The following CPEB4 variants were observed in gnomAD, a reference collection of about 807,000 sequenced individuals.
CPEB4 encodes the protein cytoplasmic polyadenylation element binding protein 4, also known as cytoplasmic polyadenylation element-binding protein 4.
CPEB4 carries 12 observed loss-of-function variants against 72.5 expected under a neutral mutation model. The observed-to-expected ratio is 0.17, with a 90% confidence interval of 0.11 to 0.27. CPEB4 has a LOEUF of 0.27. Ranked by LOEUF, CPEB4 falls within the 10% of genes least tolerant of loss-of-function variation. The probability of loss-of-function intolerance (pLI) is 1.00; values close to 1 mark genes in which losing one functional copy is unlikely to be tolerated. For synonymous variants in CPEB4, 302 were observed against 326.3 expected (o/e 0.93, Z 0.80); for missense variants, 614 against 908.5 (o/e 0.68, Z 4.17).
rs564675582 is a variant in CPEB4 at position 173,906,684 on chromosome 5, T to C, written c.1126-3839T>C. ...TAGTACCAATTGAACAAACTTTGTGTATTTGTATTTACTTGTCATCCCTGT... is the reference window on the plus strand; with the variant it reads ...TAGTACCAATTGAACAAACTTTGTGCATTTGTATTTACTTGTCATCCCTGT... On this transcript the variant is annotated intron_variant, in intron 1 of 9. Coordinates refer to ENST00000265085, the MANE Select transcript of CPEB4 (RefSeq NM_030627.4). 1.1e-4 allele frequency among the ~76,000 whole-genome samples: 17 copies of C among 152,374 alleles called. No homozygotes were observed. The East Asian group carries it at 3.3e-3, about 29-fold the overall frequency.
chr5:173,953,886 C>G (rs944414151), intron 9 of CPEB4, among the ~76,000 whole-genome samples: 3 of 152,172 alleles, frequency 2.0e-5, no homozygotes, highest in Non-Finnish European at 4.4e-5. Context: ...CTTGCCAGTA[C>G]TACTCAGAGT....
At position 173,889,676 on chromosome 5, in the gene CPEB4, G is replaced by A. The variant is rs1755732768; in HGVS notation, c.-58G>A. On this transcript the variant is annotated 5_prime_UTR_variant, in exon 1 of 10. Transcript: ENST00000265085. Reference sequence around the variant, plus strand: ...TAAATTTGGGGTAGAGGAAAAAAAAGGCGTGAGACATCAGGTTGTCATTTT... The same window carrying A: ...TAAATTTGGGGTAGAGGAAAAAAAAAGCGTGAGACATCAGGTTGTCATTTT... 1 of 1,436,388 alleles carries A rather than the reference G, an allele frequency of 7.0e-7. No homozygotes were observed. Among genetic ancestry groups the A allele is most frequent in the Non-Finnish European group, 9.4e-7 (1 of 1,063,244 alleles). The allele number at this position is 1,436,388 out of a possible 1,614,324, so 89.0% of individuals were successfully genotyped here.
intron 3 of CPEB4, among the ~76,000 whole-genome samples, chr5:173,935,942 A>G (rs1238626249): frequency 6.6e-6 from 1 of 152,202 alleles, no homozygotes; most frequent in Non-Finnish European, 1.5e-5. Flanking sequence ...TGACCTTCGT[A>G]TACCACTCAT....
Position 173,888,394 on chromosome 5 carries a change from C to T in CPEB4, c.-1340C>T. The T allele has an allele frequency of 2.2e-6, 1 of 454,244 alleles. No individual in the cohort carries two copies. Among genetic ancestry groups the T allele is most frequent in the Non-Finnish European group, 3.8e-6 (1 of 263,420 alleles). The allele number at this position is 454,244 out of a possible 1,614,324, so 28.1% of individuals were successfully genotyped here. A position where few individuals can be genotyped will look rare whatever the true frequency, so the allele number is the denominator to read the frequency against. On this transcript the variant is annotated 5_prime_UTR_variant, in exon 1 of 10. Coordinates refer to ENST00000265085, the MANE Select transcript of CPEB4 (RefSeq NM_030627.4). The surrounding 1 kb of genome is among the most constrained non-coding windows in gnomAD (Gnocchi z 4.3). Reference sequence around the variant, plus strand: ...GAAGGACTCAGCCGCGGCTGCGGGACCCGGGCACCGGGAGGCGGTGGCGGC... The same window carrying T: ...GAAGGACTCAGCCGCGGCTGCGGGATCCGGGCACCGGGAGGCGGTGGCGGC...
At position 173,956,793 on chromosome 5, in the gene CPEB4, C is replaced by T. The variant is rs2113312439; in HGVS notation, c.*656C>T. 1 of 151,296 alleles carries T rather than the reference C, an allele frequency of 6.6e-6. No homozygotes were observed. The highest frequency in any genetic ancestry group is 6.6e-5 in the Admixed American group (1 of 15,188). The allele number at this position is 151,296 out of a possible 1,614,324, so 9.4% of individuals were successfully genotyped here. A position where few individuals can be genotyped will look rare whatever the true frequency, so the allele number is the denominator to read the frequency against. On this transcript the variant is annotated 3_prime_UTR_variant, in exon 10 of 10. Coordinates refer to ENST00000265085, the MANE Select transcript of CPEB4 (RefSeq NM_030627.4). ...TTGAGGCTGAACATAATTTCATTAT[C>T]CCTCAAAAAGTTACCACCACATCAG...
chr5:173,932,575 G>A, intron 3 of CPEB4, 75 bp downstream of exon 3: 1 of 1,127,694 alleles, frequency 8.9e-7, no homozygotes, highest in East Asian at 2.4e-5. Context: ...GTGGAGAAAT[G>A]ACATTAGTTT....
At chr5:173,894,023 C>T (rs984605781) in intron 1 of CPEB4, among the ~76,000 whole-genome samples, 2 of 152,132 alleles carry the variant, frequency 1.3e-5, no homozygotes, top group South Asian at 2.1e-4. Flanking sequence ...GACAGGGTCT[C>T]GCTTTGTCAC....
At chr5:173,909,174 T>C (rs970068769) in intron 1 of CPEB4, among the ~76,000 whole-genome samples, 1 of 152,222 alleles carries the variant, frequency 6.6e-6, no homozygotes, top group Non-Finnish European at 1.5e-5. Flanking sequence ...TACCCCACAC[T>C]CTTCCTTCCC....
At chr5:173,897,045 A>C (rs567025798) in intron 1 of CPEB4, among the ~76,000 whole-genome samples, 21 of 152,386 alleles carry the variant, frequency 1.4e-4, no homozygotes, top group Middle Eastern at 3.4e-3. Flanking sequence ...TTATGAAATT[A>C]GTTACAAATA....
At chr5:173,915,968 G>T (rs992513397) in intron 2 of CPEB4, among the ~76,000 whole-genome samples, 1 of 152,134 alleles carries the variant, frequency 6.6e-6, no homozygotes, top group South Asian at 2.1e-4. Flanking sequence ...GGAATAAAGA[G>T]ACAAAAATAG....
chr5:173,942,663 A>G lies in CPEB4; in HGVS notation c.1259-363A>G, dbSNP rs140710705. On this transcript the variant is annotated intron_variant, in intron 3 of 9. Coordinates refer to ENST00000265085, the MANE Select transcript of CPEB4 (RefSeq NM_030627.4). ...TGGTATATCTACTAAATTGCTAGTT[A>G]GCAGGGAATTCTGAGAGAAAACGTT... Among the ~76,000 whole-genome samples, 146 of 152,378 alleles carry G rather than the reference A, an allele frequency of 9.6e-4. 1 individual carries two copies. Among genetic ancestry groups the G allele is most frequent in the African/African-American group, 3.4e-3 (141 of 41,594 alleles).
At chr5:173,907,267 A>AAACAAG (rs1561610199) in intron 1 of CPEB4, among the ~76,000 whole-genome samples, 1 of 151,796 alleles carries the variant, frequency 6.6e-6, no homozygotes. Flanking sequence ...CTCCGTCTCA[A>AAACAAG]AACAACAACA....
chr5:173,923,562 C>A lies in CPEB4; in HGVS notation c.1208-8888C>A, dbSNP rs369130381. Among the ~76,000 whole-genome samples, 29 of 152,222 alleles carry A rather than the reference C, an allele frequency of 1.9e-4. 1 individual carries two copies. In the East Asian group the frequency reaches 5.4e-3, roughly 28 times the overall value. ...TTCTTTTAATATATGTCTCTTGTAA[C>A]ACATGCTTCTTTTAAGCAAACTTTT... On this transcript the variant is annotated intron_variant, in intron 2 of 9. Coordinates refer to ENST00000265085, the MANE Select transcript of CPEB4 (RefSeq NM_030627.4).
chr5:173,919,463 AATT>A (rs1288895505), intron 2 of CPEB4, among the ~76,000 whole-genome samples: 1 of 152,198 alleles, frequency 6.6e-6, no homozygotes, highest in African/African-American at 2.4e-5. Context: ...GCCACATCTA[AATT>A]AATAGAGTGT....
At chr5:173,943,138 G>T in intron 4 of CPEB4, 89 bp downstream of exon 4, 1 of 1,288,176 alleles carries the variant, frequency 7.8e-7, no homozygotes, top group African/African-American at 1.5e-5. Context: ...GGGAAGGGGA[G>T]AGGGGAAATG....
intron 1 of CPEB4, among the ~76,000 whole-genome samples, chr5:173,905,723 G>T (rs1323806244): frequency 6.6e-6 from 1 of 152,118 alleles, no homozygotes; most frequent in East Asian, 1.9e-4. Flanking sequence ...GTGGGCAAAA[G>T]TGGTGGACTT....
rs1561632761 is a variant in CPEB4, at chr5:173,950,629, AAAAT to A, written c.1665+555_1665+558del. The stretch of plus-strand genomic sequence containing the variant: ...AAAATAAAATAAAATAAAATAAAAT[AAAAT>A]AAAAAACCAGACTTCATTTGATAAT... On this transcript the variant is annotated intron_variant, in intron 7 of 9. Transcript: ENST00000265085. This position sits in a 1 kb window ranked among gnomAD's most constrained non-coding sequence, Gnocchi z 5.0. 2.0e-5 allele frequency among the ~76,000 whole-genome samples: 3 copies of A among 151,602 alleles called. No individual in the cohort carries two copies. The highest frequency in any genetic ancestry group is 4.4e-5 in the Non-Finnish European group (3 of 67,850).
chr5:173,901,168 C>G (rs1390589372), intron 1 of CPEB4, among the ~76,000 whole-genome samples: 2 of 152,096 alleles, frequency 1.3e-5, no homozygotes, highest in East Asian at 3.9e-4. Context: ...TTATAATGCT[C>G]AAAATGAATG....
chr5:173,925,125 C>T (rs1757198929), intron 2 of CPEB4, among the ~76,000 whole-genome samples: 1 of 152,030 alleles, frequency 6.6e-6, no homozygotes, highest in Non-Finnish European at 1.5e-5. Flanking sequence ...AGGGAGTTAC[C>T]CAGAAGTTGA....
Sources: gnomAD v4.1 joint callset for allele counts (sites outside exome capture counted in the v4.1 genomes callset) on GRCh38, gnomAD v4.1.1 for gene constraint, Gnocchi (gnomAD v3.1) non-coding constraint, MANE v1.5 for transcripts, NCBI Gene and HGNC (gene_info 2026-07-23, HGNC 2026-07-21) for gene names.